Variants in TBC1D19 observed in about 807,000 individuals in gnomAD.
TBC1D19 encodes TBC1 domain family, member 19.
A neutral mutation model predicts 89.0 loss-of-function variants in TBC1D19; 60 were observed. The ratio of observed to expected loss-of-function variants is 0.67; its 90% CI spans 0.55 to 0.84. The LOEUF (loss-of-function observed/expected upper bound fraction) is 0.84. TBC1D19 is among the 40% of genes least tolerant of loss of function. TBC1D19 has a pLI of 0.00. For synonymous variants in TBC1D19, 189 were observed against 199.7 expected, an observed-to-expected ratio of 0.95 and a Z score of 0.45; for missense variants, 500 against 610.8, an observed-to-expected ratio of 0.82 and a Z score of 1.91.
At chr4:26,593,114 C>G (rs1175752242) in intron 1 of TBC1D19, among the ~76,000 whole-genome samples, 1 of 152,184 alleles carries the variant, frequency 6.6e-6, no homozygotes, top group Admixed American at 6.5e-5. Context: ...GTAACCAAAC[C>G]AGCATGGTAC....
the TBC1D19 span, chr4:26,857,632 C>T: frequency 6.6e-6 from 1 of 152,118 alleles, no homozygotes; most frequent in Non-Finnish European, 1.5e-5. Context: ...GTCCCGGAAC[C>T]CAGCAGCTTG....
At chr4:26,845,522 G>GT in the TBC1D19 span, among the ~76,000 whole-genome samples, 12 of 152,244 alleles carry the variant, frequency 7.9e-5, no homozygotes, top group South Asian at 2.3e-3. Flanking sequence ...TCTGTTAACA[G>GT]TAACTTCCCA....
chr4:26,696,816 C>A (rs574119037), intron 13 of TBC1D19, among the ~76,000 whole-genome samples: 107 of 152,216 alleles, frequency 7.0e-4, no homozygotes, highest in African/African-American at 2.5e-3. Flanking sequence ...CCAATGAGAA[C>A]AAAGACACAA....
the TBC1D19 span, among the ~76,000 whole-genome samples, chr4:26,847,190 C>G: frequency 6.6e-6 from 1 of 152,132 alleles, no homozygotes; most frequent in Non-Finnish European, 1.5e-5. Flanking sequence ...GGATAAAATG[C>G]CTACCTTGAT....
chr4:26,695,947 C>G (rs1182382829), intron 13 of TBC1D19, among the ~76,000 whole-genome samples: 1 of 152,174 alleles, frequency 6.6e-6, no homozygotes, highest in Non-Finnish European at 1.5e-5. Flanking sequence ...GAAACTGCAT[C>G]AACTAGCGAA....
chr4:26,659,359 G>C (rs1230120561), intron 7 of TBC1D19, among the ~76,000 whole-genome samples: 1 of 151,918 alleles, frequency 6.6e-6, no homozygotes, highest in African/African-American at 2.4e-5. Flanking sequence ...ACTTGGTAGA[G>C]TTTTGTATTG....
At chr4:26,768,034 G>A in the TBC1D19 span, among the ~76,000 whole-genome samples, 1 of 151,622 alleles carries the variant, frequency 6.6e-6, no homozygotes, top group Non-Finnish European at 1.5e-5. Context: ...GAGTACCAGA[G>A]AGGAGAGAGA....
At chr4:26,788,352 C>T in the TBC1D19 span, among the ~76,000 whole-genome samples, 3 of 152,182 alleles carry the variant, frequency 2.0e-5, no homozygotes, top group Admixed American at 2.0e-4. Context: ...CTAGAATCCA[C>T]CTCTTCTTAA....
chr4:26,607,010 T>G lies in TBC1D19; in HGVS notation c.100-6159T>G, dbSNP rs910770041. Reference sequence around the variant, plus strand: ...GGCCAGTACTTTGGACTAAGACTATTCTGGTAGGAATTGAAAGAAACTGGA... The same window carrying G: ...GGCCAGTACTTTGGACTAAGACTATGCTGGTAGGAATTGAAAGAAACTGGA... On this transcript the variant is annotated intron_variant, in intron 1 of 20. Coordinates refer to ENST00000264866, the MANE Select transcript of TBC1D19 (RefSeq NM_018317.4). Among the ~76,000 whole-genome samples the G allele has an allele frequency of 3.3e-5, 5 of 152,168 alleles. No individual in the cohort carries two copies. In the South Asian group the frequency reaches 1.0e-3, roughly 32 times the overall value.
chr4:26,762,041 C>T, the TBC1D19 span, among the ~76,000 whole-genome samples: 1 of 152,250 alleles, frequency 6.6e-6, no homozygotes, highest in Admixed American at 6.5e-5. Context: ...GAGGCTGAGG[C>T]AGGAGAATCA....
chr4:26,593,798 T>C (rs1739998586), intron 1 of TBC1D19, among the ~76,000 whole-genome samples: 1 of 152,192 alleles, frequency 6.6e-6, no homozygotes, highest in African/African-American at 2.4e-5. Flanking sequence ...AGATACCATC[T>C]CACACCAGTT....
the TBC1D19 span, among the ~76,000 whole-genome samples, chr4:26,840,156 A>G: frequency 6.6e-5 from 10 of 151,920 alleles, no homozygotes; most frequent in African/African-American, 2.4e-4. Flanking sequence ...ACCTCAGCTC[A>G]CTGCAACCTC....
At chr4:26,627,397 A>G (rs1742489651) in intron 4 of TBC1D19, among the ~76,000 whole-genome samples, 1 of 152,142 alleles carries the variant, frequency 6.6e-6, no homozygotes, top group Non-Finnish European at 1.5e-5. Context: ...TCCTTTGGGT[A>G]TATACCCAGT....
At chr4:26,850,086 G>A in the TBC1D19 span, among the ~76,000 whole-genome samples, 1 of 151,968 alleles carries the variant, frequency 6.6e-6, no homozygotes, top group Non-Finnish European at 1.5e-5. Flanking sequence ...GCATTTTGTG[G>A]GTTGTATTGT....
intron 14 of TBC1D19, 47 bp downstream of exon 14, chr4:26,718,064 T>C: frequency 7.1e-7 from 1 of 1,405,396 alleles, no homozygotes; most frequent in Non-Finnish European, 9.9e-7. Flanking sequence ...TACATAATCA[T>C]GCCAAGAATA....
At chr4:26,856,779 T>C in the TBC1D19 span, among the ~76,000 whole-genome samples, 1 of 152,242 alleles carries the variant, frequency 6.6e-6, no homozygotes, top group Non-Finnish European at 1.5e-5. Context: ...AGTTATCATG[T>C]GATCAATAAT....
At chr4:26,852,698 C>T in the TBC1D19 span, among the ~76,000 whole-genome samples, 4 of 152,138 alleles carry the variant, frequency 2.6e-5, no homozygotes, top group Admixed American at 6.5e-5. Context: ...TGGCTCACTG[C>T]AACCTCTGCC....
chr4:26,760,295 G>T (rs1215551509), downstream of TBC1D19, among the ~76,000 whole-genome samples: 1 of 152,068 alleles, frequency 6.6e-6, no homozygotes, highest in Non-Finnish European at 1.5e-5. Flanking sequence ...AGGTGTGGTG[G>T]CTCACACCTA....
intron 7 of TBC1D19, among the ~76,000 whole-genome samples, chr4:26,642,912 G>T (rs879718667): frequency 3.9e-5 from 6 of 152,120 alleles, no homozygotes; most frequent in Non-Finnish European, 5.9e-5. Flanking sequence ...CAATATAGAA[G>T]CACCCAGATT....
Sources: allele counts gnomAD v4.1 joint callset (sites outside exome capture counted in the v4.1 genomes callset), GRCh38; gene constraint gnomAD v4.1.1; transcripts MANE v1.5; gene names NCBI Gene and HGNC (gene_info 2026-07-23, HGNC 2026-07-21).